The following LARGE1 variants were observed in gnomAD, a reference collection of about 807,000 sequenced individuals.
LARGE1 encodes xylosyl- and glucuronyltransferase LARGE1.
LARGE1 carries 43 observed loss-of-function variants against 87.6 expected under a neutral mutation model. That is an observed-to-expected ratio of 0.49 (90% CI 0.38 to 0.63). LARGE1 has a LOEUF of 0.63. Among genes scored for constraint, LARGE1 ranks in the 30% least tolerant of loss-of-function variants. The probability of loss-of-function intolerance (pLI) is 0.00; values close to 1 mark genes in which losing one functional copy is unlikely to be tolerated. For missense variants in LARGE1, 802 were observed against 1,000.2 expected, an observed-to-expected ratio of 0.80 and a Z score of 2.67; for synonymous variants, 434 against 394.6, an observed-to-expected ratio of 1.10 and a Z score of -1.18.
At chr22:33,435,029 C>T (rs1315963200) in intron 6 of LARGE1, among the ~76,000 whole-genome samples, 3 of 152,276 alleles carry the variant, frequency 2.0e-5, no homozygotes, top group South Asian at 4.1e-4. Flanking sequence ...GAGATGGAGT[C>T]TTGCTCTGTC....
At chr22:33,450,022 C>T (rs1175902244) in intron 6 of LARGE1, among the ~76,000 whole-genome samples, 1 of 151,982 alleles carries the variant, frequency 6.6e-6, no homozygotes, top group African/African-American at 2.4e-5. Context: ...AGTGATTCTA[C>T]TGCCTCAGCC....
intron 1 of LARGE1, among the ~76,000 whole-genome samples, chr22:33,886,280 C>T (rs777077814): frequency 1.3e-5 from 2 of 152,210 alleles, no homozygotes; most frequent in Non-Finnish European, 2.9e-5. Context: ...AGCCGTCCTA[C>T]AGGATGTTCC....
At chr22:33,389,217 G>C (rs139895043) in intron 7 of LARGE1, among the ~76,000 whole-genome samples, 55 of 152,382 alleles carry the variant, frequency 3.6e-4, no homozygotes, top group African/African-American at 1.3e-3. Flanking sequence ...GCAAATGCCA[G>C]GACAGACGCC....
At chr22:33,775,478 C>G (rs2085203487) in intron 1 of LARGE1, among the ~76,000 whole-genome samples, 1 of 150,108 alleles carries the variant, frequency 6.7e-6, no homozygotes, top group Admixed American at 6.7e-5. Context: ...CCATGGGGAG[C>G]CTCTAAGTCA....
chr22:33,783,206 G>C (rs920113418), intron 1 of LARGE1, among the ~76,000 whole-genome samples: 3 of 151,988 alleles, frequency 2.0e-5, no homozygotes, highest in African/African-American at 4.8e-5. Flanking sequence ...AGAGTGATGA[G>C]AGTCTCTTTG....
rs558561264 is a variant in LARGE1 at position 33,819,588 on chromosome 22, A to G, written c.-82-58030T>C. Among the ~76,000 whole-genome samples, 3 of 152,166 alleles carry G rather than the reference A, an allele frequency of 2.0e-5. No individual in the cohort carries two copies. In the East Asian group the frequency reaches 5.8e-4, roughly 29 times the overall value. On this transcript the variant is annotated intron_variant, in intron 1 of 14. Coordinates refer to ENST00000397394, the MANE Select transcript of LARGE1 (RefSeq NM_133642.5). ...GCCCTTGACATCATCTAAGGGTTGAAGTCAACTGCCTTGACTTCAAATAAT... is the reference window on the plus strand; with the variant it reads ...GCCCTTGACATCATCTAAGGGTTGAGGTCAACTGCCTTGACTTCAAATAAT...
At chr22:33,251,863 T>G (rs1184245391) in intron 11 of LARGE1, among the ~76,000 whole-genome samples, 1 of 152,110 alleles carries the variant, frequency 6.6e-6, no homozygotes, top group Non-Finnish European at 1.5e-5. Context: ...GACAATAACC[T>G]CTGTCTATGG....
chr22:33,544,323 C>T (rs2077293104), intron 6 of LARGE1, among the ~76,000 whole-genome samples: 1 of 152,184 alleles, frequency 6.6e-6, no homozygotes, highest in Non-Finnish European at 1.5e-5. Flanking sequence ...CTTGGAAACT[C>T]CTGGCGGTGT....
intron 11 of LARGE1, among the ~76,000 whole-genome samples, chr22:33,312,602 C>G (rs149659553): frequency 1.4e-3 from 219 of 152,240 alleles, no homozygotes; most frequent in African/African-American, 5.1e-3. Context: ...TAGCCACTGG[C>G]CACTAATATT....
chr22:33,579,567 A>C (rs1480700750), intron 5 of LARGE1, among the ~76,000 whole-genome samples: 1 of 152,096 alleles, frequency 6.6e-6, no homozygotes, highest in Non-Finnish European at 1.5e-5. Flanking sequence ...ACTGATAAAG[A>C]CCTGCTGCAG....
Position 33,178,512 on chromosome 22 carries a change from T to C in LARGE1, c.1731-11680A>G, listed in dbSNP as rs539012933. On this transcript the variant is annotated intron_variant, in intron 11 of 11. Transcript: ENST00000608642. ...TCAGGGACTGCTGTCTTAGAGCTGATGAGTGGGGACAGGGTTTGGATGGAG... is the reference window on the plus strand; with the variant it reads ...TCAGGGACTGCTGTCTTAGAGCTGACGAGTGGGGACAGGGTTTGGATGGAG... Among the ~76,000 whole-genome samples, 20 of 152,336 alleles carry C rather than the reference T, an allele frequency of 1.3e-4. No individual in the cohort carries two copies. The East Asian group carries it at 3.9e-3, about 29-fold the overall frequency.
At chr22:33,610,937 G>A (rs74452607) in intron 4 of LARGE1, among the ~76,000 whole-genome samples, 3,396 of 152,338 alleles carry the variant, frequency 0.022, 118 homozygotes, top group African/African-American at 0.077. Flanking sequence ...CAGCTTCAGA[G>A]AGTGCAAGCT....
At chr22:33,845,535 T>C (rs2063404607) in intron 1 of LARGE1, among the ~76,000 whole-genome samples, 1 of 152,082 alleles carries the variant, frequency 6.6e-6, no homozygotes, top group South Asian at 2.1e-4. Flanking sequence ...CTCGAACTCC[T>C]GACCTCAGAT....
chr22:33,801,185 C>T (rs1254655458), intron 1 of LARGE1, among the ~76,000 whole-genome samples: 1 of 152,206 alleles, frequency 6.6e-6, no homozygotes, highest in Non-Finnish European at 1.5e-5. Context: ...GGGGCCTCCC[C>T]AGACATGTGG....
intron 1 of LARGE1, among the ~76,000 whole-genome samples, chr22:33,812,727 C>A (rs911599269): frequency 1.3e-5 from 2 of 152,326 alleles, no homozygotes; most frequent in South Asian, 4.1e-4. Flanking sequence ...CACAGTCAAG[C>A]CTCAACAGCT....
At chr22:33,833,691 T>G (rs2063035475) in intron 1 of LARGE1, among the ~76,000 whole-genome samples, 1 of 152,194 alleles carries the variant, frequency 6.6e-6, no homozygotes, top group South Asian at 2.1e-4. Context: ...TATTTATTTT[T>G]ATTTTTGTTT....
chr22:33,874,443 A>C (rs1259500136), intron 1 of LARGE1, among the ~76,000 whole-genome samples: 1 of 152,218 alleles, frequency 6.6e-6, no homozygotes, highest in Non-Finnish European at 1.5e-5. Context: ...CCAAACAGAA[A>C]GGCAATGTAA....
chr22:33,305,646 A>G, intron 11 of LARGE1: 1 of 968,612 alleles, frequency 1.0e-6, no homozygotes, highest in Non-Finnish European at 1.2e-6. Context: ...GGAAATGGGC[A>G]CACCTATCTT....
chr22:33,239,599 C>T (rs1311719088), intron 11 of LARGE1, among the ~76,000 whole-genome samples: 3 of 128,232 alleles, frequency 2.3e-5, no homozygotes, highest in Admixed American at 9.4e-5. Context: ...AGTGCAGTGG[C>T]GCGATCTCGG....
Sources: allele counts gnomAD v4.1 joint callset (sites outside exome capture counted in the v4.1 genomes callset), GRCh38; gene constraint gnomAD v4.1.1; transcripts MANE v1.5; gene names NCBI Gene and HGNC (gene_info 2026-07-23, HGNC 2026-07-21).